ZNF519: variants seen among roughly 807,000 people sequenced by gnomAD.
ZNF519 encodes the protein similar to Zinc finger protein 85 (Zinc finger protein HPF4) (HTF1).
A neutral mutation model predicts 7.4 loss-of-function variants in ZNF519; 7 were observed. That is an observed-to-expected ratio of 0.94 (90% CI 0.54 to 1.77). The LOEUF (loss-of-function observed/expected upper bound fraction) is 1.77. Ranked by LOEUF, ZNF519 falls within the 40% of genes most tolerant of loss-of-function variation. ZNF519 has a pLI of 0.00. For synonymous variants in ZNF519, 179 were observed against 203.3 expected, an observed-to-expected ratio of 0.88 and a Z score of 1.02; for missense variants, 586 against 623.1, an observed-to-expected ratio of 0.94 and a Z score of 0.63.
intron 3 of ZNF519, among the ~76,000 whole-genome samples, chr18:14,079,398 T>C (rs907590317): frequency 1.3e-5 from 2 of 152,194 alleles, no homozygotes; most frequent in African/African-American, 2.4e-5. Context: ...ATTTTGTGGA[T>C]ATTAAAACTG....
rs531405058 is a variant in ZNF519 at position 14,081,017 on chromosome 18, A to C, written c.*178-2719T>G. Among the ~76,000 whole-genome samples the C allele has an allele frequency of 8.5e-5, 13 of 152,340 alleles. No homozygotes were observed. The South Asian group carries it at 2.3e-3, about 27-fold the overall frequency. On this transcript the variant is annotated intron_variant and NMD_transcript_variant, in intron 3 of 4. Transcript: ENST00000587419. ...CAATTAGTGGAGTTTGTGGGGAATA[A>C]GGAATAAATAGAGCATGGAGTCTTT...
chr18:14,123,883 T>C (rs1051156574), intron 2 of ZNF519, among the ~76,000 whole-genome samples: 3 of 152,042 alleles, frequency 2.0e-5, no homozygotes, highest in African/African-American at 7.2e-5. Flanking sequence ...ATAAAGATTT[T>C]CTTTTTGGCT....
In ZNF519 at chr18:14,106,087, T is replaced by A. The variant is rs2046189913; in HGVS notation, c.453A>T (p.Lys151Asn). The A allele has an allele frequency of 2.5e-6, 4 of 1,605,472 alleles. No individual in the cohort carries two copies. The South Asian group carries it at 4.5e-5, about 18-fold the overall frequency. The stretch of plus-strand genomic sequence containing the variant: ...TCTGATTTTTATTACAAAAGACAGA[T>A]TTCAAAAATTTATGTTGATATTTAT... ...PMNKYQHKFLKSVFCNKNQIN... is the reference protein window; with the variant it reads ...PMNKYQHKFLNSVFCNKNQIN... The change falls in exon 3 of 3, where the codon AAA becomes AAT. Residue 151 changes from lysine (K) to asparagine (N), a missense_variant. By Grantham distance (94) the Lys-to-Asn change is moderately conservative (BLOSUM62 0). Coordinates refer to ENST00000590202, the MANE Select transcript of ZNF519 (RefSeq NM_145287.4).
chr18:14,087,790 T>C (rs2046097557), intron 2 of ZNF519, among the ~76,000 whole-genome samples: 1 of 152,180 alleles, frequency 6.6e-6, no homozygotes, highest in Non-Finnish European at 1.5e-5. Context: ...TTTGTCATTA[T>C]CATATAGGTC....
intron 2 of ZNF519, chr18:14,122,980 C>T (rs886771591): frequency 7.3e-6 from 1 of 136,206 alleles, no homozygotes; most frequent in Non-Finnish European, 1.5e-5. Context: ...CTTCCTGTGT[C>T]CATGTGTTCT....
chr18:14,116,986 G>T (rs2046249181), intron 2 of ZNF519, among the ~76,000 whole-genome samples: 1 of 152,154 alleles, frequency 6.6e-6, no homozygotes, highest in South Asian at 2.1e-4. Flanking sequence ...ACTCCAGCAT[G>T]GGCAACGAGA....
intron 2 of ZNF519, 94 bp downstream of exon 2, chr18:14,124,256 C>A: frequency 1.8e-6 from 2 of 1,139,318 alleles, no homozygotes; most frequent in South Asian, 2.4e-5. Context: ...GAAATTAATT[C>A]ATGCAAAGCA....
downstream of ZNF519, chr18:14,074,832 G>A (rs773957934): frequency 3.9e-5 from 6 of 152,182 alleles, no homozygotes; most frequent in African/African-American, 7.3e-5. Context: ...TTCCAAAGTC[G>A]CTTCCAAATT....
downstream of ZNF519, among the ~76,000 whole-genome samples, chr18:14,098,915 C>T (rs1469789840): frequency 6.6e-6 from 1 of 152,134 alleles, no homozygotes; most frequent in Non-Finnish European, 1.5e-5. Flanking sequence ...GTGAAATGTG[C>T]CTTCTGCCTC....
chr18:14,075,932 C>A (rs1437140053), downstream of ZNF519: 1 of 152,132 alleles, frequency 6.6e-6, no homozygotes, highest in Non-Finnish European at 1.5e-5. Flanking sequence ...ACACACCACA[C>A]ACACACATAT....
chr18:14,125,885 C>A (rs1184831317), intron 1 of ZNF519, among the ~76,000 whole-genome samples: 1 of 152,150 alleles, frequency 6.6e-6, no homozygotes, highest in Non-Finnish European at 1.5e-5. Flanking sequence ...GGGGTTTCAT[C>A]ATGTTGGCCA....
At chr18:14,107,189 A>C (rs1328300566) in intron 2 of ZNF519, among the ~76,000 whole-genome samples, 1 of 152,146 alleles carries the variant, frequency 6.6e-6, no homozygotes, top group Non-Finnish European at 1.5e-5. Flanking sequence ...GATTCAAGAG[A>C]CCAAGTCCAT....
At chr18:14,098,587 T>C (rs957754888), downstream of ZNF519, among the ~76,000 whole-genome samples, 1 of 152,138 alleles carries the variant, frequency 6.6e-6, no homozygotes, top group Non-Finnish European at 1.5e-5. Context: ...TCCGACTTGT[T>C]ACAATAGCCA....
At chr18:14,117,912 C>A in intron 2 of ZNF519, among the ~76,000 whole-genome samples, 1 of 152,124 alleles carries the variant, frequency 6.6e-6, no homozygotes, top group East Asian at 1.9e-4. Flanking sequence ...CCAGGCCCCA[C>A]CTCCAACATT....
Position 14,106,140 on chromosome 18 carries a change from C to G in ZNF519, c.400G>C (p.Ala134Pro). ...ATAGGAATACATGGTTCTGTAGGAG[C>G]AGCTGACAGAAACTGAGGCTTCTTC... is the stretch of plus-strand genomic sequence containing the variant. Reference protein sequence around the residue: ...FQKKPQFLSAAPTEPCIPMNK... With the variant: ...FQKKPQFLSAPPTEPCIPMNK... Residue 134 changes from alanine to proline, a missense_variant, in exon 3 of 3, where the codon GCT becomes CCT. Coordinates refer to ENST00000590202, the MANE Select transcript of ZNF519 (RefSeq NM_145287.4). 1 of 1,611,822 alleles carries G rather than the reference C, an allele frequency of 6.2e-7. No homozygotes were observed.
At chr18:14,075,304 C>T (rs1405503270), downstream of ZNF519, 2 of 152,182 alleles carry the variant, frequency 1.3e-5, no homozygotes, top group Non-Finnish European at 2.9e-5. Flanking sequence ...TTCCACTTGC[C>T]AGTCACGTGC....
At chr18:14,071,655 A>C (rs1240321845), downstream of ZNF519, 2 of 152,324 alleles carry the variant, frequency 1.3e-5, no homozygotes, top group Admixed American at 6.5e-5. Context: ...GGTCCTGAGA[A>C]TCTCCCCAGA....
intron 1 of ZNF519, among the ~76,000 whole-genome samples, chr18:14,130,684 G>A (rs1174977380): frequency 6.6e-6 from 1 of 151,928 alleles, no homozygotes; most frequent in African/African-American, 2.4e-5. Context: ...TTCTTGCACT[G>A]CCTCCCTGGG....
intron 2 of ZNF519, among the ~76,000 whole-genome samples, chr18:14,116,789 T>C (rs527565849): frequency 6.6e-6 from 1 of 152,294 alleles, no homozygotes; most frequent in African/African-American, 2.4e-5. Context: ...GGCAGATTAC[T>C]TGAGGTCAGG....
Sources: gnomAD v4.1 joint callset for allele counts (sites outside exome capture counted in the v4.1 genomes callset) on GRCh38, gnomAD v4.1.1 for gene constraint, MANE v1.5 for transcripts, NCBI Gene and HGNC (gene_info 2026-07-23, HGNC 2026-07-21) for gene names.